The following NPHP1 variants were observed in gnomAD, a reference collection of about 807,000 sequenced individuals.
NPHP1 encodes nephrocystin-1.
Under a neutral mutation model 90.4 loss-of-function variants are expected in NPHP1, and 70 were observed. That is an observed-to-expected ratio of 0.77 (90% CI 0.64 to 0.95). The LOEUF (loss-of-function observed/expected upper bound fraction) is 0.95. NPHP1 is among the 40% of genes least tolerant of loss of function. The probability of loss-of-function intolerance (pLI) is 0.00; values close to 1 mark genes in which losing one functional copy is unlikely to be tolerated. For synonymous variants in NPHP1, 256 were observed against 271.7 expected, an observed-to-expected ratio of 0.94 and a Z score of 0.57; for missense variants, 764 against 795.9, an observed-to-expected ratio of 0.96 and a Z score of 0.48.
At chr2:110,201,657 A>G (rs1275696154) in intron 1 of NPHP1, among the ~76,000 whole-genome samples, 163 bp from the exon 2 acceptor site, 2 of 152,198 alleles carry the variant, frequency 1.3e-5, no homozygotes, top group East Asian at 3.8e-4. Flanking sequence ...TAGAAAAAAC[A>G]TTAACATTAT....
In NPHP1 at chr2:110,181,452, G is replaced by T. The variant is rs148010968; in HGVS notation, c.144-1768C>A. Among the ~76,000 whole-genome samples the T allele has an allele frequency of 5.4e-3, 823 of 152,246 alleles. 13 individuals are homozygous for T. The highest frequency in any genetic ancestry group is 0.017 in the African/African-American group (703 of 41,532). ...GAGGAAGGAGCTGGCTGCCATATTTGCTGTTTTGCAGCCTTCACTGGTGAT... is the reference window on the plus strand; with the variant it reads ...GAGGAAGGAGCTGGCTGCCATATTTTCTGTTTTGCAGCCTTCACTGGTGAT... On this transcript the variant is annotated intron_variant, in intron 2 of 19. Coordinates refer to ENST00000445609, the MANE Select transcript of NPHP1 (RefSeq NM_001128178.3).
chr2:110,147,763 AC>A (rs1260981899), intron 13 of NPHP1, among the ~76,000 whole-genome samples, 152 bp downstream of exon 13: 3 of 152,194 alleles, frequency 2.0e-5, no homozygotes, highest in Non-Finnish European at 4.4e-5. Flanking sequence ...AAATCAGCAC[AC>A]ATAAAATTAG....
intron 2 of NPHP1, among the ~76,000 whole-genome samples, chr2:110,189,419 C>T (rs183158913): frequency 1.6e-4 from 24 of 152,026 alleles, no homozygotes; most frequent in African/African-American, 4.6e-4. Flanking sequence ...TAAGGCGGCA[C>T]GTCTGGAGTT....
rs560214464 is a variant in NPHP1, at chr2:110,179,849, A to T, written c.144-165T>A. On this transcript the variant is annotated intron_variant, in intron 2 of 19. Coordinates refer to ENST00000445609, the MANE Select transcript of NPHP1 (RefSeq NM_001128178.3). ...GCTTTTCCACCTATTAGCTCAGATGATCCTCATAGCCAAGCTGTAAAACAC... is the reference window on the plus strand; with the variant it reads ...GCTTTTCCACCTATTAGCTCAGATGTTCCTCATAGCCAAGCTGTAAAACAC... Among the ~76,000 whole-genome samples, 179 of 152,262 alleles carry T rather than the reference A, an allele frequency of 1.2e-3. 6 individuals are homozygous for T. In the South Asian group the frequency reaches 0.037, roughly 31 times the overall value.
intron 1 of NPHP1, chr2:110,202,424 C>T (rs569955904): frequency 2.2e-6 from 1 of 454,692 alleles, no homozygotes; most frequent in South Asian, 1.6e-5. Context: ...CTGTTGATTA[C>T]TTGTCCTACA....
At chr2:110,152,216 G>A (rs1681524425) in intron 11 of NPHP1, among the ~76,000 whole-genome samples, 2 of 152,192 alleles carry the variant, frequency 1.3e-5, no homozygotes, top group East Asian at 3.9e-4. Context: ...CTACTTGGGA[G>A]GCTACGGCAG....
In NPHP1 at chr2:110,123,687, T is replaced by G; in HGVS notation, c.*104A>C. On this transcript the variant is annotated 3_prime_UTR_variant, in exon 20 of 20. Coordinates refer to ENST00000445609, the MANE Select transcript of NPHP1 (RefSeq NM_001128178.3). ...TCTGTAGAAAGAAAAGAGTAAAACC[T>G]AAGTTGTAAAGTGACAGTGATTTTT... is the stretch of plus-strand genomic sequence containing the variant. 3 of 1,149,100 alleles carry G rather than the reference T, an allele frequency of 2.6e-6. No homozygotes were observed. The highest frequency in any genetic ancestry group is 3.9e-6 in the Non-Finnish European group (3 of 770,346). 71.2% of individuals were successfully genotyped at this position (1,149,100 alleles called of 1,614,324 possible).
At position 110,126,877 on chromosome 2, in the gene NPHP1, A is replaced by G. The variant is rs531234944; in HGVS notation, c.1717-1196T>C. 18 of 152,674 alleles carry G rather than the reference A, an allele frequency of 1.2e-4. No individual in the cohort carries two copies. The South Asian group carries it at 3.3e-3, about 28-fold the overall frequency. The allele number at this position is 152,674 out of a possible 1,614,324, so 9.5% of individuals were successfully genotyped here. On this transcript the variant is annotated intron_variant, in intron 18 of 19. Coordinates refer to ENST00000445609, the MANE Select transcript of NPHP1 (RefSeq NM_001128178.3). ...ACTTAGTGTCTGGTAAAATTTGTCTATTTTTGTTAGTTACATGTCAATGTC... is the reference window on the plus strand; with the variant it reads ...ACTTAGTGTCTGGTAAAATTTGTCTGTTTTTGTTAGTTACATGTCAATGTC...
intron 16 of NPHP1, among the ~76,000 whole-genome samples, chr2:110,135,476 C>CA (rs66696927): frequency 0.11 from 1,720 of 15,044 alleles, 453 homozygotes; most frequent in African/African-American, 0.17. Context: ...GACCCCGTCT[C>CA]AAAAAAAAAA....
At chr2:110,155,716 C>T (rs147623177) in intron 11 of NPHP1, among the ~76,000 whole-genome samples, 123 of 152,254 alleles carry the variant, frequency 8.1e-4, no homozygotes, top group African/African-American at 2.6e-3. Flanking sequence ...CAGTTTATCC[C>T]ATTTGGAATG....
intron 16 of NPHP1, among the ~76,000 whole-genome samples, chr2:110,138,024 A>G (rs1298600437): frequency 1.4e-4 from 21 of 152,026 alleles, no homozygotes; most frequent in African/African-American, 5.1e-4. Context: ...TGTCCTTTGT[A>G]GGGACATGGA....
At chr2:110,148,590 G>A (rs1358082229) in intron 12 of NPHP1, among the ~76,000 whole-genome samples, 1 of 152,038 alleles carries the variant, frequency 6.6e-6, no homozygotes. Flanking sequence ...CAATGCCAAT[G>A]ATTACAAATT....
At chr2:110,173,118 C>T (rs865779413) in intron 4 of NPHP1, among the ~76,000 whole-genome samples, 6 of 151,852 alleles carry the variant, frequency 4.0e-5, no homozygotes, top group Middle Eastern at 6.8e-3. Context: ...ACCACCATGC[C>T]CAGCTCATTT....
intron 8 of NPHP1, chr2:110,163,401 ATG>A: frequency 4.4e-6 from 2 of 454,504 alleles, no homozygotes; most frequent in Non-Finnish European, 8.1e-6. Context: ...CCTTATCAAA[ATG>A]TCCCTGCTCC....
chr2:110,176,048 C>A (rs1683486447), intron 4 of NPHP1, among the ~76,000 whole-genome samples: 1 of 151,770 alleles, frequency 6.6e-6, no homozygotes, highest in African/African-American at 2.4e-5. Context: ...TCATTTTGGT[C>A]TTTATTAGTT....
chr2:110,135,346 A>C (rs62160545), intron 16 of NPHP1, among the ~76,000 whole-genome samples: 1 of 151,256 alleles, frequency 6.6e-6, no homozygotes, highest in South Asian at 2.1e-4. Context: ...GCGTGTTGGC[A>C]GGCGCCTGTA....
intron 4 of NPHP1, among the ~76,000 whole-genome samples, chr2:110,171,875 T>C (rs1683149455): frequency 6.6e-6 from 1 of 152,206 alleles, no homozygotes; most frequent in African/African-American, 2.4e-5. Context: ...AATTTTCTTC[T>C]AGTGTTCTTG....
chr2:110,135,862 C>A (rs1202043803), intron 16 of NPHP1, among the ~76,000 whole-genome samples: 4 of 152,136 alleles, frequency 2.6e-5, no homozygotes, highest in African/African-American at 9.7e-5. Flanking sequence ...AATATTCAGG[C>A]TTCCAGCCTG....
At chr2:110,127,484 C>T (rs1679450160) in intron 18 of NPHP1, 1 of 152,082 alleles carries the variant, frequency 6.6e-6, no homozygotes, top group Non-Finnish European at 1.5e-5. Flanking sequence ...ATAAAATAAT[C>T]CAAGATCCAG....
Sources: allele counts gnomAD v4.1 joint callset (sites outside exome capture counted in the v4.1 genomes callset), GRCh38; gene constraint gnomAD v4.1.1; transcripts MANE v1.5; gene names NCBI Gene and HGNC (gene_info 2026-07-23, HGNC 2026-07-21).